Variants in ZC2HC1A observed in about 807,000 individuals in gnomAD.
The protein encoded by ZC2HC1A is zinc finger C2HC-type containing 1A.
A neutral mutation model predicts 40.7 loss-of-function variants in ZC2HC1A; 28 were observed. The observed-to-expected ratio is 0.69, with a 90% CI of 0.51 to 0.94. ZC2HC1A has a LOEUF of 0.94. Ranked by LOEUF, ZC2HC1A falls within the 40% of genes least tolerant of loss-of-function variation. ZC2HC1A has a pLI of 0.00. For synonymous variants in ZC2HC1A, 129 were observed against 129.2 expected (o/e 1.00, Z 0.01); for missense variants, 389 against 386.3 (o/e 1.01, Z -0.06).
rs1487981625 is a variant in ZC2HC1A, at chr8:78,666,102, G to A, written c.-47G>A. On this transcript the variant is annotated 5_prime_UTR_variant, in exon 1 of 9. Transcript: ENST00000263849. ...GTTGCTACAGCCAGAGCTGGGCGGT[G>A]GCGGGCGCTGCTGAAGGAGTCTCGC... 2 of 1,556,686 alleles carry A rather than the reference G, an allele frequency of 1.3e-6. No homozygotes were observed. Among genetic ancestry groups the A allele is most frequent in the Non-Finnish European group, 8.7e-7 (1 of 1,150,196 alleles).
In ZC2HC1A at chr8:78,704,220, T is replaced by TA. The variant is rs903702675; in HGVS notation, c.704+5717dup. ...AATGTGGTGAAAGCCTGTCTCTATT[T>TA]AAAAAAAAAATACAAAAATTAGCCG... On this transcript the variant is annotated intron_variant, in intron 7 of 8. Transcript: ENST00000263849. 9.0e-3 allele frequency among the ~76,000 whole-genome samples: 1,335 copies of TA among 148,916 alleles called. 25 individuals are homozygous for TA. Among genetic ancestry groups the TA allele is most frequent in the African/African-American group, 0.031 (1,239 of 40,622 alleles).
intron 7 of ZC2HC1A, among the ~76,000 whole-genome samples, chr8:78,703,747 G>A (rs1477899628): frequency 6.6e-6 from 1 of 152,032 alleles, no homozygotes; most frequent in Non-Finnish European, 1.5e-5. Context: ...TTGCCACTCT[G>A]TGTCTTTTAA....
At chr8:78,696,585 A>G (rs1810422723) in intron 5 of ZC2HC1A, among the ~76,000 whole-genome samples, 1 of 152,194 alleles carries the variant, frequency 6.6e-6, no homozygotes. Flanking sequence ...GAGAAAGTAA[A>G]ATAAAATTAA....
At chr8:78,701,476 G>A (rs111442399) in intron 7 of ZC2HC1A, among the ~76,000 whole-genome samples, 5,632 of 152,176 alleles carry the variant, frequency 0.037, 317 homozygotes, top group African/African-American at 0.13. Flanking sequence ...CTATTTGGAT[G>A]CCCCTTTATT....
At chr8:78,699,623 C>T (rs1488111821) in intron 7 of ZC2HC1A, among the ~76,000 whole-genome samples, 1 of 152,018 alleles carries the variant, frequency 6.6e-6, no homozygotes, top group African/African-American at 2.4e-5. Flanking sequence ...TCCTCTTATC[C>T]TCCACCCTCC....
chr8:78,683,389 T>C (rs1809853615), intron 3 of ZC2HC1A, among the ~76,000 whole-genome samples: 2 of 152,244 alleles, frequency 1.3e-5, no homozygotes, highest in South Asian at 4.1e-4. Context: ...ACCTCAACTC[T>C]TGATTTCTGT....
chr8:78,716,313 C>G (rs1350351930), intron 8 of ZC2HC1A, among the ~76,000 whole-genome samples: 1 of 151,270 alleles, frequency 6.6e-6, no homozygotes, highest in Non-Finnish European at 1.5e-5. Context: ...TTATTAGAGA[C>G]GGGGTTTCAC....
chr8:78,697,623 T>C (rs1415567815), intron 6 of ZC2HC1A, 117 bp downstream of exon 6: 1 of 709,668 alleles, frequency 1.4e-6, no homozygotes, highest in African/African-American at 1.9e-5. Flanking sequence ...AGAAGAGATG[T>C]AGAAGTTAAG....
chr8:78,717,210 A>G (rs1366672037), intron 8 of ZC2HC1A, 118 bp from the exon 9 acceptor site: 1 of 875,656 alleles, frequency 1.1e-6, no homozygotes, highest in Admixed American at 3.3e-5. Flanking sequence ...AACTAGAGGA[A>G]TATTAAAAAC....
At chr8:78,696,640 A>G (rs1029163647) in intron 5 of ZC2HC1A, among the ~76,000 whole-genome samples, 1 of 152,226 alleles carries the variant, frequency 6.6e-6, no homozygotes, top group Non-Finnish European at 1.5e-5. Context: ...AAAATCCAAG[A>G]TAAGCTGAAA....
chr8:78,694,299 T>TTC (rs1554592626), intron 5 of ZC2HC1A, among the ~76,000 whole-genome samples: 5 of 141,930 alleles, frequency 3.5e-5, no homozygotes, highest in Non-Finnish European at 6.2e-5. Flanking sequence ...TTTTTTTTTT[T>TTC]CTCATTCAGT....
At position 78,686,622 on chromosome 8, in the gene ZC2HC1A, T is replaced by C; in HGVS notation, c.352+14T>C. 6.8e-7 allele frequency: 1 copy of C among 1,463,946 alleles called. No individual in the cohort carries two copies. The highest frequency in any genetic ancestry group is 1.6e-5 in the South Asian group (1 of 62,434). 90.7% of individuals were successfully genotyped at this position (1,463,946 alleles called of 1,614,324 possible). ...CTTATGATCCTGGTATTTGGAATAT[T>C]GTTGACAGAAATGTTCATGTGGAAA... On this transcript the variant is annotated intron_variant, in intron 4 of 8. Coordinates refer to ENST00000263849, the MANE Select transcript of ZC2HC1A (RefSeq NM_016010.3).
At chr8:78,699,687 T>A (rs1212082548) in intron 7 of ZC2HC1A, among the ~76,000 whole-genome samples, 1 of 152,130 alleles carries the variant, frequency 6.6e-6, no homozygotes. Context: ...GTCTCATAAT[T>A]TAGCTTCCAC....
At chr8:78,696,326 G>T (rs747837354) in intron 5 of ZC2HC1A, among the ~76,000 whole-genome samples, 22 of 152,138 alleles carry the variant, frequency 1.4e-4, no homozygotes, top group Non-Finnish European at 2.2e-4. Flanking sequence ...GAGCCACCGT[G>T]CCCAGCCCGT....
chr8:78,707,924 G>T (rs1810827809), intron 7 of ZC2HC1A, among the ~76,000 whole-genome samples: 1 of 151,056 alleles, frequency 6.6e-6, no homozygotes, highest in Non-Finnish European at 1.5e-5. Flanking sequence ...CTCCATGATG[G>T]CAAAGACTAT....
chr8:78,689,204 C>T lies in ZC2HC1A; in HGVS notation c.353-18C>T, dbSNP rs776287698. On this transcript the variant is annotated intron_variant, in intron 4 of 8. Transcript: ENST00000263849. ...AAGTACTATGCTATTAATCTGTTTC[C>T]GTTTTTATCTGTTATAGATTATATT... 2.0e-5 allele frequency: 29 copies of T among 1,446,004 alleles called. No homozygotes were observed. Among genetic ancestry groups the T allele is most frequent in the African/African-American group, 8.8e-5 (6 of 68,506 alleles). The allele number at this position is 1,446,004 out of a possible 1,614,324, so 89.6% of individuals were successfully genotyped here.
At chr8:78,704,579 G>A (rs1242915273) in intron 7 of ZC2HC1A, among the ~76,000 whole-genome samples, 1 of 151,898 alleles carries the variant, frequency 6.6e-6, no homozygotes, top group African/African-American at 2.4e-5. Flanking sequence ...TGTGTCTTGT[G>A]GATGATCATC....
chr8:78,718,907 C>T lies in ZC2HC1A; in HGVS notation c.*1414C>T, dbSNP rs1811184445. 6.6e-6 allele frequency: 1 copy of T among 151,292 alleles called. No homozygotes were observed. Among genetic ancestry groups the T allele is most frequent in the Non-Finnish European group, 1.5e-5 (1 of 67,542 alleles). 9.4% of individuals were successfully genotyped at this position (151,292 alleles called of 1,614,324 possible). The stretch of plus-strand genomic sequence containing the variant: ...TTTATGATTCTGATCAACTATAAGA[C>T]ACAATGTAAAGAATTGTGGCTTATA... On this transcript the variant is annotated 3_prime_UTR_variant, in exon 9 of 9. Coordinates refer to ENST00000263849, the MANE Select transcript of ZC2HC1A (RefSeq NM_016010.3).
In ZC2HC1A at chr8:78,668,076, T is replaced by C. The variant is rs1270717742; in HGVS notation, c.16+1912T>C. ...TATGTAGGGCAAAACAGTTGAATTCTGGTAATTTCAAGCAGTTCAATCTAA... is the reference window on the plus strand; with the variant it reads ...TATGTAGGGCAAAACAGTTGAATTCCGGTAATTTCAAGCAGTTCAATCTAA... On this transcript the variant is annotated intron_variant, in intron 1 of 8. Coordinates refer to ENST00000263849, the MANE Select transcript of ZC2HC1A (RefSeq NM_016010.3). Among the ~76,000 whole-genome samples, 3 of 152,148 alleles carry C rather than the reference T, an allele frequency of 2.0e-5. No individual in the cohort carries two copies. The East Asian group carries it at 5.8e-4, about 29-fold the overall frequency.
Sources: allele counts gnomAD v4.1 joint callset (sites outside exome capture counted in the v4.1 genomes callset), GRCh38; gene constraint gnomAD v4.1.1; transcripts MANE v1.5; gene names NCBI Gene and HGNC (gene_info 2026-07-23, HGNC 2026-07-21).